The following ZNF516 variants were observed in gnomAD, a reference collection of about 807,000 sequenced individuals.
The protein encoded by ZNF516 is zinc finger protein 516.
ZNF516 carries 19 observed loss-of-function variants against 79.7 expected under a neutral mutation model. That is an observed-to-expected ratio of 0.24 (90% CI 0.17 to 0.35). ZNF516 has a LOEUF of 0.35. ZNF516 is among the 10% of genes least tolerant of loss of function. The probability of loss-of-function intolerance (pLI) is 1.00; values close to 1 mark genes in which losing one functional copy is unlikely to be tolerated. For synonymous variants in ZNF516, 877 were observed against 739.5 expected (o/e 1.19, Z -3.02); for missense variants, 1,678 against 1,679.5 (o/e 1.00, Z 0.02).
intron 3 of ZNF516, among the ~76,000 whole-genome samples, chr18:76,431,827 C>CA (rs1175929060): frequency 6.6e-6 from 1 of 152,160 alleles, no homozygotes; most frequent in Non-Finnish European, 1.5e-5. Flanking sequence ...AACCGTGGGC[C>CA]AAAATCAATC....
chr18:76,438,822 A>G (rs1376773599), intron 3 of ZNF516, among the ~76,000 whole-genome samples: 1 of 152,216 alleles, frequency 6.6e-6, no homozygotes, highest in African/African-American at 2.4e-5. Flanking sequence ...GTATTACTGG[A>G]ATGGTCGCAT....
At position 76,481,697 on chromosome 18, in the gene ZNF516, C is replaced by T. The variant is rs944134750; in HGVS notation, c.-272+13447G>A. On this transcript the variant is annotated intron_variant, in intron 1 of 6. Transcript: ENST00000443185. ...CATATAAAGAACTCGGAATAATGCT[C>T]TGTTCATAGTAGGCACTTGATCAAT... Among the ~76,000 whole-genome samples, 10 of 152,336 alleles carry T rather than the reference C, an allele frequency of 6.6e-5. No homozygotes were observed. The South Asian group carries it at 2.1e-3, about 32-fold the overall frequency.
At chr18:76,416,079 A>C (rs78141023) in intron 3 of ZNF516, among the ~76,000 whole-genome samples, 3 of 152,256 alleles carry the variant, frequency 2.0e-5, no homozygotes, top group Non-Finnish European at 2.9e-5. Flanking sequence ...TTTTGGAATA[A>C]AAGGTCAACT....
At chr18:76,463,214 A>T (rs1016454167) in intron 1 of ZNF516, 73 bp from the exon 2 acceptor site, 1 of 152,234 alleles carries the variant, frequency 6.6e-6, no homozygotes, top group Non-Finnish European at 1.5e-5. Flanking sequence ...TCTCTTTAAG[A>T]AAAATTAAAA....
chr18:76,373,298 A>C (rs1183633556), intron 4 of ZNF516, among the ~76,000 whole-genome samples: 1 of 151,218 alleles, frequency 6.6e-6, no homozygotes, highest in Non-Finnish European at 1.5e-5. Flanking sequence ...AAAGGGAGGG[A>C]GGGAAAGAGA....
At chr18:76,492,399 G>A (rs766674469) in intron 1 of ZNF516, 30 of 977,748 alleles carry the variant, frequency 3.1e-5, no homozygotes, top group Non-Finnish European at 3.6e-5. Context: ...CCATTGTGCG[G>A]GTCAGACGCA....
intron 3 of ZNF516, among the ~76,000 whole-genome samples, chr18:76,425,398 G>C (rs746895695): frequency 6.6e-6 from 1 of 152,096 alleles, no homozygotes; most frequent in African/African-American, 2.4e-5. Flanking sequence ...ACTAAATAAG[G>C]CTAGCTCATG....
At chr18:76,416,991 G>A (rs2075440758) in intron 3 of ZNF516, among the ~76,000 whole-genome samples, 1 of 152,088 alleles carries the variant, frequency 6.6e-6, no homozygotes, top group African/African-American at 2.4e-5. Context: ...ATAACCCAAA[G>A]ACCTCCATAA....
intron 3 of ZNF516, among the ~76,000 whole-genome samples, chr18:76,432,819 C>G (rs1277668956): frequency 6.6e-6 from 1 of 152,234 alleles, no homozygotes; most frequent in Non-Finnish European, 1.5e-5. Context: ...TCACTCTCTA[C>G]TGGGAAAGGG....
chr18:76,471,670 G>C (rs1408424843), intron 1 of ZNF516, among the ~76,000 whole-genome samples: 3 of 152,156 alleles, frequency 2.0e-5, no homozygotes, highest in African/African-American at 7.2e-5. Context: ...CGTCACGCTA[G>C]ATCCTGTCAC....
rs563755138 is a variant in ZNF516, at chr18:76,489,683, A to G, written c.-272+5461T>C. Reference sequence around the variant, plus strand: ...AGTAGACTCTGAAGGTTGTTTACAGATAACAATGGGAAAACATTGGTGAGG... The same window carrying G: ...AGTAGACTCTGAAGGTTGTTTACAGGTAACAATGGGAAAACATTGGTGAGG... On this transcript the variant is annotated intron_variant, in intron 1 of 6. Coordinates refer to ENST00000443185, the MANE Select transcript of ZNF516 (RefSeq NM_014643.4). Among the ~76,000 whole-genome samples the G allele has an allele frequency of 2.0e-5, 3 of 152,284 alleles. No homozygotes were observed. In the East Asian group the frequency reaches 5.8e-4, roughly 29 times the overall value.
At chr18:76,370,489 G>C (rs370307502) in intron 6 of ZNF516, 39 bp downstream of exon 6, 9 of 1,555,240 alleles carry the variant, frequency 5.8e-6, no homozygotes, top group Middle Eastern at 1.7e-4. Context: ...CCCAGCTACC[G>C]CATCGAAACC....
chr18:76,397,887 G>A (rs371347736), intron 3 of ZNF516, among the ~76,000 whole-genome samples: 6 of 152,130 alleles, frequency 3.9e-5, no homozygotes, highest in East Asian at 1.9e-4. Context: ...GAGCCACTGC[G>A]CCCCCAGCCT....
At chr18:76,423,173 G>C in intron 3 of ZNF516, among the ~76,000 whole-genome samples, 1 of 152,190 alleles carries the variant, frequency 6.6e-6, no homozygotes, top group Non-Finnish European at 1.5e-5. Context: ...CTTTACAAGG[G>C]AAGGGATGCA....
At chr18:76,371,355 T>A in intron 5 of ZNF516, 112 bp downstream of exon 5, 1 of 1,115,742 alleles carries the variant, frequency 9.0e-7, no homozygotes, top group Non-Finnish European at 1.3e-6. Flanking sequence ...CCCCGCCGCC[T>A]GGTAGGGGCT....
chr18:76,378,823 G>A, intron 4 of ZNF516, 32 bp downstream of exon 4: 26 of 1,592,804 alleles, frequency 1.6e-5, no homozygotes, highest in Non-Finnish European at 2.2e-5. Flanking sequence ...GGTCACATGT[G>A]GCCTGGGGAA....
At chr18:76,464,487 A>G (rs1913325809) in intron 1 of ZNF516, among the ~76,000 whole-genome samples, 1 of 152,266 alleles carries the variant, frequency 6.6e-6, no homozygotes. Context: ...TCATGGAGAC[A>G]AAGGTGCAGA....
At chr18:76,374,350 T>G (rs1383013093) in intron 4 of ZNF516, among the ~76,000 whole-genome samples, 1 of 152,266 alleles carries the variant, frequency 6.6e-6, no homozygotes, top group Non-Finnish European at 1.5e-5. Context: ...TATTCCTGTA[T>G]GTTTATAGAC....
intron 5 of ZNF516, among the ~76,000 whole-genome samples, chr18:76,371,018 T>C (rs1008965147): frequency 1.3e-5 from 2 of 152,168 alleles, no homozygotes; most frequent in Non-Finnish European, 2.9e-5. Context: ...GCAAGCTCTC[T>C]ACATAAGGGC....
Sources: gnomAD v4.1 joint callset for allele counts (sites outside exome capture counted in the v4.1 genomes callset) on GRCh38, gnomAD v4.1.1 for gene constraint, MANE v1.5 for transcripts, NCBI Gene and HGNC (gene_info 2026-07-23, HGNC 2026-07-21) for gene names.